DIS3L2: variants seen among roughly 807,000 people sequenced by gnomAD.
DIS3L2 encodes DIS3-like exonuclease 2.
In DIS3L2, 34 loss-of-function variants were observed where a neutral mutation model predicts 97.5. That is an observed-to-expected ratio of 0.35 (90% CI 0.27 to 0.46). The LOEUF is 0.46. DIS3L2 is among the 20% of genes least tolerant of loss of function. The pLI, the probability that DIS3L2 is intolerant of heterozygous loss-of-function variation, is 1.00. For missense variants in DIS3L2, 1,038 were observed against 1,146.0 expected, an observed-to-expected ratio of 0.91 and a Z score of 1.36; for synonymous variants, 435 against 445.2, an observed-to-expected ratio of 0.98 and a Z score of 0.29.
chr2:232,218,009 G>A (rs971344127), intron 10 of DIS3L2, among the ~76,000 whole-genome samples: 16 of 151,508 alleles, frequency 1.1e-4, no homozygotes, highest in Non-Finnish European at 2.9e-5. Context: ...CAGGATATAG[G>A]GCAGGACCCC....
intron 8 of DIS3L2, among the ~76,000 whole-genome samples, chr2:232,147,962 C>T (rs1690265740): frequency 9.1e-6 from 1 of 110,134 alleles, no homozygotes; most frequent in Non-Finnish European, 1.9e-5. Flanking sequence ...CCTCCCTTTC[C>T]TCCCCTCCCC....
intron 8 of DIS3L2, among the ~76,000 whole-genome samples, chr2:232,147,593 A>G (rs1349229440): frequency 6.6e-6 from 1 of 152,206 alleles, no homozygotes; most frequent in African/African-American, 2.4e-5. Flanking sequence ...TTTTAAGAGA[A>G]TCACCAGATA....
downstream of DIS3L2, among the ~76,000 whole-genome samples, chr2:232,338,254 C>T (rs536183978): frequency 3.2e-4 from 48 of 152,268 alleles, no homozygotes; most frequent in East Asian, 3.1e-3. Context: ...ACCCTGTCCC[C>T]CAGGGCCTCC....
intron 6 of DIS3L2, among the ~76,000 whole-genome samples, chr2:232,108,556 A>T (rs1166737788): frequency 1.3e-5 from 2 of 152,250 alleles, no homozygotes; most frequent in Admixed American, 6.5e-5. Flanking sequence ...TGCCCAGGGC[A>T]ATCAGGCAAG....
intron 1 of DIS3L2, among the ~76,000 whole-genome samples, chr2:231,967,921 A>C (rs895587119): frequency 6.6e-6 from 1 of 152,088 alleles, no homozygotes; most frequent in Non-Finnish European, 1.5e-5. Context: ...TTGATTTAAG[A>C]CTGATTTATT....
At chr2:232,069,916 A>G (rs1029906947) in intron 5 of DIS3L2, among the ~76,000 whole-genome samples, 9 of 152,186 alleles carry the variant, frequency 5.9e-5, no homozygotes, top group Non-Finnish European at 1.0e-4. Flanking sequence ...TCAATTACAT[A>G]AGCTAATAAG....
chr2:232,189,394 CAA>C (rs937150602), intron 9 of DIS3L2, among the ~76,000 whole-genome samples: 2 of 152,290 alleles, frequency 1.3e-5, no homozygotes, highest in African/African-American at 2.4e-5. Context: ...TACTTGGCAA[CAA>C]AAGAGTGAAC....
chr2:232,209,892 T>C (rs1487960774), intron 9 of DIS3L2, among the ~76,000 whole-genome samples: 1 of 152,262 alleles, frequency 6.6e-6, no homozygotes, highest in African/African-American at 2.4e-5. Flanking sequence ...TGGTTAACTC[T>C]ACGGCCCAAA....
intron 8 of DIS3L2, among the ~76,000 whole-genome samples, chr2:232,137,534 G>A (rs1698392621): frequency 6.6e-6 from 1 of 152,160 alleles, no homozygotes; most frequent in Non-Finnish European, 1.5e-5. Context: ...TTGCTTGTTG[G>A]TCATCTAACT....
intron 14 of DIS3L2, among the ~76,000 whole-genome samples, chr2:232,318,327 C>T (rs1695333022): frequency 6.6e-6 from 1 of 152,272 alleles, no homozygotes; most frequent in African/African-American, 2.4e-5. Flanking sequence ...GCTGAGAAGT[C>T]TGCCCACACC....
Position 232,325,385 on chromosome 2 carries a change from C to T in DIS3L2, c.1740-4428C>T, listed in dbSNP as rs561505776. On this transcript the variant is annotated intron_variant, in intron 14 of 20. Coordinates refer to ENST00000325385, the MANE Select transcript of DIS3L2 (RefSeq NM_152383.5). This position sits in a 1 kb window ranked among gnomAD's most constrained non-coding sequence, Gnocchi z 4.6. ...GGAACCTCTGTCTCTACCAGTGTCA[C>T]CCTTGCTGTGGGGAGTGTGTACCGT... Among the ~76,000 whole-genome samples the T allele has an allele frequency of 3.2e-4, 48 of 152,334 alleles. No individual in the cohort carries two copies. The highest frequency in any genetic ancestry group is 3.1e-3 in the East Asian group (16 of 5,184).
chr2:232,039,285 G>A (rs567066663), intron 5 of DIS3L2, among the ~76,000 whole-genome samples: 2 of 152,270 alleles, frequency 1.3e-5, no homozygotes, highest in East Asian at 1.9e-4. Context: ...AATCCCTGAC[G>A]TCTAGAATAT....
At chr2:232,073,963 T>G (rs1355609239) in intron 5 of DIS3L2, among the ~76,000 whole-genome samples, 1 of 152,226 alleles carries the variant, frequency 6.6e-6, no homozygotes, top group Non-Finnish European at 1.5e-5. Context: ...TCAGGAAATG[T>G]CCCTCTGAGG....
chr2:232,330,755 C>G lies in DIS3L2; in HGVS notation c.1989C>G (p.Asn663Lys). ...TGGCCCGCAAGGAGGTGCTCACCAACATGTGCTCCCGGCCCATGCAGGTAA... is the reference window on the plus strand; with the variant it reads ...TGGCCCGCAAGGAGGTGCTCACCAAGATGTGCTCCCGGCCCATGCAGGTAA... ...YSLARKEVLT[N>K]MCSRPMQMAL... Residue 663 changes from asparagine (N) to lysine (K), a missense_variant, in exon 16 of 21, where the codon AAC (asparagine) becomes AAG (lysine). Asn to Lys is a moderately conservative substitution (Grantham distance 94). Transcript: ENST00000325385. 1 of 1,612,472 alleles carries G rather than the reference C, an allele frequency of 6.2e-7. No homozygotes were observed. Among genetic ancestry groups the G allele is most frequent in the Non-Finnish European group, 8.5e-7 (1 of 1,180,012 alleles).
intron 13 of DIS3L2, among the ~76,000 whole-genome samples, chr2:232,284,348 G>C (rs1378582940): frequency 6.6e-6 from 1 of 152,168 alleles, no homozygotes; most frequent in Non-Finnish European, 1.5e-5. Context: ...CAACTTCTGT[G>C]AGCCTCCAGC....
rs570961882 is a variant in DIS3L2, at chr2:232,226,611, C to G, written c.1205-11922C>G. 3.9e-5 allele frequency among the ~76,000 whole-genome samples: 6 copies of G among 152,286 alleles called. No individual in the cohort carries two copies. The East Asian group carries it at 9.7e-4, about 24-fold the overall frequency. On this transcript the variant is annotated intron_variant, in intron 10 of 20. Transcript: ENST00000325385. Reference sequence around the variant, plus strand: ...GAGAGAGGCTACAAGTGAACTTGAGCGTGTGTCATGAGGACAGGACATCTT... The same window carrying G: ...GAGAGAGGCTACAAGTGAACTTGAGGGTGTGTCATGAGGACAGGACATCTT...
chr2:232,263,187 T>G lies in DIS3L2; in HGVS notation c.1426-20T>G. 1 of 1,611,950 alleles carries G rather than the reference T, an allele frequency of 6.2e-7. No homozygotes were observed. The highest frequency in any genetic ancestry group is 8.5e-7 in the Non-Finnish European group (1 of 1,178,052). ...AACATTTGTCCTCACAATTCCCTTGTAATCTGTCCATCTTTGCAGATCCTT... is the reference window on the plus strand; with the variant it reads ...AACATTTGTCCTCACAATTCCCTTGGAATCTGTCCATCTTTGCAGATCCTT... On this transcript the variant is annotated intron_variant, in intron 12 of 20. Coordinates refer to ENST00000325385, the MANE Select transcript of DIS3L2 (RefSeq NM_152383.5).
intron 4 of DIS3L2, among the ~76,000 whole-genome samples, chr2:232,025,102 T>G (rs1694621905): frequency 6.6e-6 from 1 of 152,184 alleles, no homozygotes; most frequent in Admixed American, 6.5e-5. Context: ...AGTTAACATA[T>G]TTTATTATTT....
intron 3 of DIS3L2, among the ~76,000 whole-genome samples, chr2:232,017,952 G>A (rs531072733): frequency 7.2e-5 from 11 of 152,082 alleles, no homozygotes; most frequent in Non-Finnish European, 1.6e-4. Context: ...GTCCTTGATG[G>A]CAGGGTCATG....
Sources: gnomAD v4.1 joint callset for allele counts (sites outside exome capture counted in the v4.1 genomes callset) on GRCh38, gnomAD v4.1.1 for gene constraint, Gnocchi (gnomAD v3.1) non-coding constraint, MANE v1.5 for transcripts, NCBI Gene and HGNC (gene_info 2026-07-23, HGNC 2026-07-21) for gene names.